DNAH5: variants seen among roughly 807,000 people sequenced by gnomAD.
DNAH5 encodes the protein dynein axonemal heavy chain 5.
In DNAH5, 372 loss-of-function variants were observed where a neutral mutation model predicts 518.2. That is an observed-to-expected ratio of 0.72 (90% CI 0.66 to 0.78). DNAH5 has a LOEUF of 0.78. Ranked by LOEUF, DNAH5 falls within the 30% of genes least tolerant of loss-of-function variation. DNAH5 has a pLI of 0.00. For synonymous variants in DNAH5, 2,039 were observed against 2,025.9 expected, an observed-to-expected ratio of 1.01 and a Z score of -0.17; for missense variants, 5,523 against 5,687.0, an observed-to-expected ratio of 0.97 and a Z score of 0.93.
intron 1 of DNAH5, among the ~76,000 whole-genome samples, chr5:13,960,569 G>A (rs568950437): frequency 6.6e-6 from 1 of 152,324 alleles, no homozygotes; most frequent in South Asian, 2.1e-4. Context: ...ACTGAGAGCT[G>A]CAAAGTCTGT....
chr5:13,731,200 G>A (rs1422045796), intron 68 of DNAH5, among the ~76,000 whole-genome samples: 3 of 152,202 alleles, frequency 2.0e-5, no homozygotes, highest in South Asian at 2.1e-4. Flanking sequence ...AATGAGGTCA[G>A]TATGGCCTTG....
At chr5:13,775,407 T>C (rs1372826446) in intron 55 of DNAH5, among the ~76,000 whole-genome samples, 1 of 151,978 alleles carries the variant, frequency 6.6e-6, no homozygotes, top group African/African-American at 2.4e-5. Context: ...AAATAGATGA[T>C]GGATAGATGG....
At chr5:13,942,714 C>T (rs1200514081) in intron 1 of DNAH5, among the ~76,000 whole-genome samples, 1 of 151,976 alleles carries the variant, frequency 6.6e-6, no homozygotes, top group Non-Finnish European at 1.5e-5. Context: ...AGCCAGAATC[C>T]CCCTCCCCAT....
chr5:13,786,312 A>G lies in DNAH5; in HGVS notation c.8687T>C (p.Ile2896Thr). 6.2e-7 allele frequency: 1 copy of G among 1,614,114 alleles called. No individual in the cohort carries two copies. The highest frequency in any genetic ancestry group is 8.5e-7 in the Non-Finnish European group (1 of 1,180,028). Reference sequence around the variant, plus strand: ...ACTAAAAGATTCAATTGGCTCATAAATTTTAGGTGTTTCAGCATCAGCCTC... The same window carrying G: ...ACTAAAAGATTCAATTGGCTCATAAGTTTTAGGTGTTTCAGCATCAGCCTC... ...SEEADAETPKIYEPIESFSHL... is the reference protein window; with the variant it reads ...SEEADAETPKTYEPIESFSHL... Residue 2896 changes from isoleucine to threonine, a missense_variant, in exon 52 of 79, where the codon ATT becomes ACT. Physicochemically the swap from Ile to Thr is moderately conservative, Grantham distance 89 (BLOSUM62 -1). Around this residue, in one of 3 missense-constraint regions of DNAH5, gnomAD observed 5,121 missense variants for 5,223.3 expected, o/e 0.98. Transcript: ENST00000265104.
chr5:13,786,229 C>T lies in DNAH5; in HGVS notation c.8770G>A (p.Ala2924Thr), dbSNP rs748993870. ...LQLYNESIRG[A>T]GMDMVFFADA... Reference sequence around the variant, plus strand: ...GCAAAGAACACCATGTCCATGCCGGCGCCACGGATGCTCTCATTATAGAGC... The same window carrying T: ...GCAAAGAACACCATGTCCATGCCGGTGCCACGGATGCTCTCATTATAGAGC... The change falls in exon 52 of 79, where the codon GCC (alanine) becomes ACC (threonine). Residue 2924 changes from alanine (A) to threonine (T), a missense_variant. Transcript: ENST00000265104. The T allele has an allele frequency of 5.0e-6, 8 of 1,613,884 alleles. No homozygotes were observed. The highest frequency in any genetic ancestry group is 4.0e-5 in the African/African-American group (3 of 74,894).
At chr5:13,776,898 G>A (rs1340184909) in intron 54 of DNAH5, among the ~76,000 whole-genome samples, 192 bp from the exon 55 acceptor site, 2 of 152,184 alleles carry the variant, frequency 1.3e-5, no homozygotes, top group Non-Finnish European at 2.9e-5. Flanking sequence ...CTGCAAAGTT[G>A]TAGCCCCGGA....
rs1245347480 is a variant in DNAH5 at position 13,921,475 on chromosome 5, T to A, written c.660+632A>T. On this transcript the variant is annotated intron_variant, in intron 5 of 78. Coordinates refer to ENST00000265104, the MANE Select transcript of DNAH5 (RefSeq NM_001369.3). ...CTCTCTCTCTTGCTCTATCTCTCTC[T>A]CACACACACACACACACACACACAC... is the stretch of plus-strand genomic sequence containing the variant. Among the ~76,000 whole-genome samples the A allele has an allele frequency of 1.4e-3, 104 of 73,742 alleles. 1 individual carries two copies. The highest frequency in any genetic ancestry group is 4.9e-3 in the African/African-American group (97 of 19,764). 48.4% of individuals were successfully genotyped at this position (73,742 alleles called of 152,430 possible).
rs940124246 is a variant in DNAH5 at position 13,991,368 on chromosome 5, T to C, written c.12+20280A>G. 1.2e-4 allele frequency among the ~76,000 whole-genome samples: 19 copies of C among 152,028 alleles called. 1 individual carries two copies. Among genetic ancestry groups the C allele is most frequent in the Admixed American group, 1.1e-3 (17 of 15,252 alleles). On this transcript the variant is annotated intron_variant, in intron 1 of 78. Coordinates refer to the DNAH5 transcript ENST00000681290. ...ATGGCTGCCCTGCTTAGTACTGGGTTGAGAAAGAAGATATGGGCTGAATCG... is the reference window on the plus strand; with the variant it reads ...ATGGCTGCCCTGCTTAGTACTGGGTCGAGAAAGAAGATATGGGCTGAATCG...
intron 52 of DNAH5, 107 bp from the exon 53 acceptor site, chr5:13,781,066 A>G (rs1004963446): frequency 1.1e-4 from 146 of 1,281,548 alleles, no homozygotes; most frequent in Non-Finnish European, 1.3e-4. Context: ...TGGAAGATAT[A>G]GGTGTCTCAA....
At chr5:13,738,916 T>C (rs922446799) in intron 65 of DNAH5, among the ~76,000 whole-genome samples, 1 of 152,224 alleles carries the variant, frequency 6.6e-6, no homozygotes, top group Non-Finnish European at 1.5e-5. Flanking sequence ...GCTTCCTGGA[T>C]GTGGAGTCCA....
rs1776422779 is a variant in DNAH5 at position 13,914,624 on chromosome 5, A to C, written c.1216T>G (p.Ser406Ala). The C allele has an allele frequency of 6.2e-7, 1 of 1,613,092 alleles. No homozygotes were observed. Residue 406 changes from serine (S) to alanine (A), a missense_variant, in exon 10 of 79, where the codon TCT (serine) becomes GCT (alanine). By Grantham distance (99) the Ser-to-Ala change is moderately conservative. Around this residue, in one of 3 missense-constraint regions of DNAH5, gnomAD observed 5,121 missense variants for 5,223.3 expected, o/e 0.98. Transcript: ENST00000265104. Reference sequence around the variant, plus strand: ...TTGGTAATATAGGCTTTACATGCAGATATAATCTGATTTGTCACCTGGGAT... The same window carrying C: ...TTGGTAATATAGGCTTTACATGCAGCTATAATCTGATTTGTCACCTGGGAT... ...LFVKVTNQII[S>A]ACKAYITNNG... is the part of the protein sequence containing the mutation.
chr5:13,922,269 A>G lies in DNAH5; in HGVS notation c.498T>C (p.Arg166=), dbSNP rs1273795279. 2.5e-6 allele frequency: 4 copies of G among 1,613,394 alleles called. No homozygotes were observed. In the African/African-American group the frequency reaches 5.3e-5, roughly 22 times the overall value. ...ADGGLLNSVR[R]LLSDIFIPAL... is the part of the protein sequence containing the mutation. ...CAGGAATGAAGATGTCCGACAGCAA[A>G]CGTCTCACACTGTTGAGCAGGCCTC... Residue 166 remains arginine (R), a synonymous_variant, in exon 5 of 79, where the codon CGT becomes CGC. Coordinates refer to ENST00000265104, the MANE Select transcript of DNAH5 (RefSeq NM_001369.3).
chr5:13,798,136 T>A (rs1299430462), intron 47 of DNAH5, among the ~76,000 whole-genome samples: 1 of 152,236 alleles, frequency 6.6e-6, no homozygotes, highest in South Asian at 2.1e-4. Flanking sequence ...CAAACCAACA[T>A]GGCACATGTA....
intron 1 of DNAH5, among the ~76,000 whole-genome samples, chr5:13,965,359 A>C (rs1482311615): frequency 6.6e-6 from 1 of 152,200 alleles, no homozygotes; most frequent in Non-Finnish European, 1.5e-5. Context: ...TCTAAGTAAA[A>C]TAATATTTTT....
intron 3 of DNAH5, among the ~76,000 whole-genome samples, chr5:13,927,014 T>C (rs1241329861): frequency 1.3e-5 from 2 of 152,214 alleles, no homozygotes; most frequent in East Asian, 1.9e-4. Context: ...ATAGTCTTAC[T>C]ATATGCCAAG....
Position 13,886,033 on chromosome 5 carries a change from C to G in DNAH5, c.2674G>C (p.Val892Leu). The G allele has an allele frequency of 6.2e-7, 1 of 1,612,256 alleles. No individual in the cohort carries two copies. The highest frequency in any genetic ancestry group is 2.2e-5 in the East Asian group (1 of 44,846). Reference protein sequence around the residue: ...ELVNMLLDVEVLSEEESEKIS... With the variant: ...ELVNMLLDVELLSEEESEKIS... ...TTTTCACTTTCTTCTTCAGATAAAA[C>G]TTCCACATCCAGCAACATATTTACA... Residue 892 changes from valine (V) to leucine (L), a missense_variant, in exon 18 of 79, where the codon GTT becomes CTT. This residue lies in a region of DNAH5 where 5,121 missense variants were observed against 5,223.3 expected (regional missense o/e 0.98). Coordinates refer to ENST00000265104, the MANE Select transcript of DNAH5 (RefSeq NM_001369.3).
At position 13,850,655 on chromosome 5, in the gene DNAH5, G is replaced by T. The variant is rs1427029408; in HGVS notation, c.5111C>A (p.Thr1704Asn). 9 of 1,613,882 alleles carry T rather than the reference G, an allele frequency of 5.6e-6. No individual in the cohort carries two copies. The highest frequency in any genetic ancestry group is 7.6e-6 in the Non-Finnish European group (9 of 1,179,858). Residue 1704 changes from threonine to asparagine, a missense_variant, in exon 31 of 79, where the codon ACT becomes AAT. Transcript: ENST00000265104. ...TTCAAAGAGCCAGTGAACTTACCCA[G>T]TAAGGGATTTCTGGCATATTTCCAA... ...DQLEICQKSL[T>N]GYLEKKRLCF...
chr5:13,852,135 C>T (rs1295495700), intron 30 of DNAH5, among the ~76,000 whole-genome samples: 2 of 152,034 alleles, frequency 1.3e-5, no homozygotes, highest in Non-Finnish European at 2.9e-5. Flanking sequence ...ATTCGGTGGC[C>T]GTTTGGGTAG....
At chr5:13,932,477 A>C (rs1015948169) in intron 1 of DNAH5, 1 of 152,188 alleles carries the variant, frequency 6.6e-6, no homozygotes. Context: ...AGGCACACAA[A>C]AGCACATTCT....
Sources: gnomAD v4.1 joint callset for allele counts (sites outside exome capture counted in the v4.1 genomes callset) on GRCh38, gnomAD v4.1.1 for gene constraint, gnomAD v4.1.1 regional missense constraint, MANE v1.5 for transcripts, NCBI Gene and HGNC (gene_info 2026-07-23, HGNC 2026-07-21) for gene names.